The following LARGE1 variants were observed in gnomAD, a reference collection of about 807,000 sequenced individuals.
LARGE1 encodes the protein LARGE xylosyl- and glucuronyltransferase 1.
A neutral mutation model predicts 87.6 loss-of-function variants in LARGE1; 43 were observed. The ratio of observed to expected loss-of-function variants is 0.49; its 90% CI spans 0.38 to 0.63. The LOEUF (loss-of-function observed/expected upper bound fraction) is 0.63. LARGE1 is among the 30% of genes least tolerant of loss of function. LARGE1 has a pLI of 0.00. For synonymous variants in LARGE1, 434 were observed against 394.6 expected (o/e 1.10, Z -1.18); for missense variants, 802 against 1,000.2 (o/e 0.80, Z 2.67).
At chr22:33,185,689 A>G (rs1923438084) in intron 11 of LARGE1, among the ~76,000 whole-genome samples, 2 of 152,168 alleles carry the variant, frequency 1.3e-5, no homozygotes, top group Non-Finnish European at 2.9e-5. Flanking sequence ...ATTCCACTCA[A>G]TGTTGCTGTG....
intron 1 of LARGE1, among the ~76,000 whole-genome samples, chr22:33,894,006 T>C (rs1691180432): frequency 6.6e-6 from 1 of 152,012 alleles, no homozygotes; most frequent in African/African-American, 2.4e-5. Flanking sequence ...CCTCACTGGG[T>C]CCCCAAACTG....
chr22:33,728,551 CAAAAAAAAAAAAAAA>C lies in LARGE1; in HGVS notation c.106+32805_106+32819del, dbSNP rs57790780. Reference sequence around the variant, plus strand: ...GAGACTCCGTCTCCACCCCTACCACCAAAAAAAAAAAAAAAAAAAAAAAAAAAACCAACAACAGAG... The same window carrying C: ...GAGACTCCGTCTCCACCCCTACCACCAAAAAAAAAAAAACCAACAACAGAG... On this transcript the variant is annotated intron_variant, in intron 2 of 14. Transcript: ENST00000397394. Among the ~76,000 whole-genome samples the C allele has an allele frequency of 1.3e-4, 5 of 37,462 alleles. No homozygotes were observed. In the Admixed American group the frequency reaches 1.6e-3, roughly 12 times the overall value. The allele number at this position is 37,462 out of a possible 152,430, so 24.6% of individuals were successfully genotyped here. A position where few individuals can be genotyped will look rare whatever the true frequency, so the allele number is the denominator to read the frequency against.
At chr22:33,392,143 CGCT>C (rs1343017459) in intron 7 of LARGE1, among the ~76,000 whole-genome samples, 14 of 136,566 alleles carry the variant, frequency 1.0e-4, no homozygotes, top group African/African-American at 4.8e-4. Context: ...TGGGAACACA[CGCT>C]TCTTCTTTTT....
At chr22:33,295,066 C>T (rs1018205647) in intron 12 of LARGE1, among the ~76,000 whole-genome samples, 3 of 152,184 alleles carry the variant, frequency 2.0e-5, no homozygotes, top group Admixed American at 6.5e-5. Context: ...GCACCTGCCA[C>T]GAGACAGGGC....
intron 7 of LARGE1, among the ~76,000 whole-genome samples, chr22:33,412,197 T>C (rs2066329254): frequency 2.0e-5 from 3 of 152,086 alleles, no homozygotes. Context: ...GGCAAGAGAA[T>C]TGCTTGAACC....
At chr22:33,542,078 C>T (rs143214335) in intron 6 of LARGE1, among the ~76,000 whole-genome samples, 5,596 of 148,442 alleles carry the variant, frequency 0.038, 145 homozygotes, top group Admixed American at 0.054. Flanking sequence ...AGGAGAAACC[C>T]TTGAACCAAG....
At chr22:33,236,682 A>G (rs901652203) in intron 11 of LARGE1, among the ~76,000 whole-genome samples, 6 of 152,194 alleles carry the variant, frequency 3.9e-5, no homozygotes, top group Admixed American at 2.6e-4. Context: ...GAGATCAAGG[A>G]ATCATAATTA....
chr22:33,329,301 T>C (rs979122174), intron 10 of LARGE1, among the ~76,000 whole-genome samples: 4 of 120,206 alleles, frequency 3.3e-5, no homozygotes, highest in Non-Finnish European at 7.0e-5. Flanking sequence ...CAAAAATTCA[T>C]TGGTGTCCAG....
intron 12 of LARGE1, among the ~76,000 whole-genome samples, chr22:33,284,871 G>A (rs371277814): frequency 4.6e-5 from 7 of 152,082 alleles, no homozygotes; most frequent in South Asian, 4.1e-4. Flanking sequence ...CACTGCGCCC[G>A]GCCAGCATGA....
intron 2 of LARGE1, among the ~76,000 whole-genome samples, chr22:33,673,807 C>T (rs1424014173): frequency 1.3e-5 from 2 of 152,072 alleles, no homozygotes; most frequent in Non-Finnish European, 2.9e-5. Flanking sequence ...TAGGACTCTC[C>T]TGCCTCAGCC....
chr22:33,708,924 T>C (rs1313348629), intron 2 of LARGE1, among the ~76,000 whole-genome samples: 1 of 152,174 alleles, frequency 6.6e-6, no homozygotes, highest in Non-Finnish European at 1.5e-5. Context: ...CTGCGGCCTC[T>C]CCTTGGCCTG....
At chr22:33,231,075 G>T (rs907377745) in intron 11 of LARGE1, among the ~76,000 whole-genome samples, 4 of 152,128 alleles carry the variant, frequency 2.6e-5, no homozygotes, top group Admixed American at 2.6e-4. Context: ...GGTAAATATT[G>T]GTTGTTTGTT....
intron 1 of LARGE1, among the ~76,000 whole-genome samples, chr22:33,764,702 GAGCAAGATTGTGCCACCGCACTCC>G (rs2084844747): frequency 6.6e-6 from 1 of 152,168 alleles, no homozygotes; most frequent in South Asian, 2.1e-4. Context: ...AGGTTACAGT[GAGCAAGATTGTGCCACCGCACTCC>G]AGCCTGGGCA....
upstream of LARGE1, among the ~76,000 whole-genome samples, chr22:33,920,937 G>C (rs2065930328): frequency 1.3e-5 from 2 of 148,506 alleles, no homozygotes; most frequent in South Asian, 4.2e-4. Context: ...GGGCGCTGGG[G>C]TCCGGGCTCC....
intron 11 of LARGE1, among the ~76,000 whole-genome samples, chr22:33,189,969 C>G (rs1923689854): frequency 6.6e-6 from 1 of 152,036 alleles, no homozygotes; most frequent in African/African-American, 2.4e-5. Context: ...AAAGGGCAAC[C>G]CCAGGGAATA....
intron 11 of LARGE1, among the ~76,000 whole-genome samples, chr22:33,211,958 G>C (rs1353002088): frequency 6.6e-6 from 1 of 152,228 alleles, no homozygotes; most frequent in African/African-American, 2.4e-5. Context: ...TGAAGGCTGA[G>C]AGAGGTGAGG....
At chr22:33,339,986 A>G (rs1248897255) in intron 9 of LARGE1, among the ~76,000 whole-genome samples, 1 of 152,148 alleles carries the variant, frequency 6.6e-6, no homozygotes, top group African/African-American at 2.4e-5. Flanking sequence ...AATAGTACTA[A>G]AATTTATTCT....
chr22:33,726,766 A>G (rs2083283882), intron 2 of LARGE1, among the ~76,000 whole-genome samples: 1 of 152,116 alleles, frequency 6.6e-6, no homozygotes. Flanking sequence ...GGGGCACTAC[A>G]CTGGGACTCC....
intron 5 of LARGE1, among the ~76,000 whole-genome samples, chr22:33,590,974 G>C (rs543693992): frequency 2.6e-5 from 4 of 152,002 alleles, no homozygotes; most frequent in Non-Finnish European, 5.9e-5. Context: ...AGGCTGAGGC[G>C]GGTGGATCAC....
Sources: allele counts gnomAD v4.1 joint callset (sites outside exome capture counted in the v4.1 genomes callset), GRCh38; gene constraint gnomAD v4.1.1; transcripts MANE v1.5; gene names NCBI Gene and HGNC (gene_info 2026-07-23, HGNC 2026-07-21).